The following FAM120A variants were observed in gnomAD, a reference collection of about 807,000 sequenced individuals.
FAM120A encodes family with sequence similarity 120 member A, also known as constitutive coactivator of PPAR-gamma-like protein 1.
FAM120A carries 15 observed loss-of-function variants against 109.7 expected under a neutral mutation model. The observed-to-expected ratio is 0.14, with a 90% CI of 0.09 to 0.21. The LOEUF (loss-of-function observed/expected upper bound fraction) is 0.21, where lower values mean the gene tolerates loss of function less well. Ranked by LOEUF, FAM120A falls within the 10% of genes least tolerant of loss-of-function variation. The pLI, the probability that FAM120A is intolerant of heterozygous loss-of-function variation, is 1.00. For missense variants in FAM120A, 899 were observed against 1,439.3 expected (o/e 0.62, Z 6.07); for synonymous variants, 493 against 572.8 (o/e 0.86, Z 1.99).
chr9:93,475,144 A>G (rs959131759), intron 2 of FAM120A, among the ~76,000 whole-genome samples: 2 of 152,248 alleles, frequency 1.3e-5, no homozygotes, highest in African/African-American at 2.4e-5. Flanking sequence ...GACCCAAGTC[A>G]GCATGAAAGT....
At chr9:93,510,541 C>T (rs1323049718) in intron 5 of FAM120A, among the ~76,000 whole-genome samples, 1 of 152,122 alleles carries the variant, frequency 6.6e-6, no homozygotes, top group East Asian at 1.9e-4. Context: ...TTCCAAAACC[C>T]ACAAATGGAC....
chr9:93,540,415 T>C (rs1026515525), intron 10 of FAM120A, among the ~76,000 whole-genome samples: 6 of 152,258 alleles, frequency 3.9e-5, no homozygotes, highest in Non-Finnish European at 7.3e-5. Context: ...AACTGTTGCA[T>C]GTGGGCAACA....
rs1320606653 is a variant in FAM120A, at chr9:93,564,528, T to C, written c.3345T>C (p.Asn1115=). Residue 1115 remains asparagine, a synonymous_variant, in exon 18 of 18, where the codon AAT becomes AAC. Transcript: ENST00000277165. ...CTGCTCTGGAGGCAGCTGTCTTAAATAAAGAAGAGTAAACTTATTTTTTAT... is the reference window on the plus strand; with the variant it reads ...CTGCTCTGGAGGCAGCTGTCTTAAACAAAGAAGAGTAAACTTATTTTTTAT... ...REAALEAAVL[N]KEE The C allele has an allele frequency of 2.5e-6, 4 of 1,606,058 alleles. No individual in the cohort carries two copies. The highest frequency in any genetic ancestry group is 1.3e-5 in the African/African-American group (1 of 74,550).
intron 2 of FAM120A, among the ~76,000 whole-genome samples, chr9:93,471,678 A>G (rs910081872): frequency 2.6e-5 from 4 of 152,264 alleles, no homozygotes; most frequent in African/African-American, 9.6e-5. Context: ...TCTAAATCAC[A>G]GATGTCAACA....
chr9:93,463,557 A>G (rs1481898820), intron 1 of FAM120A, among the ~76,000 whole-genome samples: 1 of 152,210 alleles, frequency 6.6e-6, no homozygotes, highest in African/African-American at 2.4e-5. Flanking sequence ...GGACTAGAGT[A>G]GGGAACAGAA....
intron 8 of FAM120A, among the ~76,000 whole-genome samples, chr9:93,527,489 A>G (rs1268987764): frequency 6.6e-6 from 1 of 151,804 alleles, no homozygotes; most frequent in Non-Finnish European, 1.5e-5. Context: ...GGTGCTTAGG[A>G]CCTTCCTGAG....
intron 1 of FAM120A, chr9:93,453,680 T>A: frequency 1.0e-6 from 1 of 961,138 alleles, no homozygotes; most frequent in Non-Finnish European, 1.2e-6. Context: ...GATTGGCCCC[T>A]GCGCCTGGCA....
chr9:93,510,107 G>T (rs1012196391), intron 5 of FAM120A, among the ~76,000 whole-genome samples: 2 of 152,138 alleles, frequency 1.3e-5, no homozygotes, highest in Non-Finnish European at 2.9e-5. Context: ...TGAGTAGAAC[G>T]GCCACTCATC....
chr9:93,487,768 G>A (rs1202622658), intron 3 of FAM120A, among the ~76,000 whole-genome samples: 2 of 152,222 alleles, frequency 1.3e-5, no homozygotes, highest in East Asian at 1.9e-4. Context: ...TTGGAGGCAT[G>A]TGTTGTAACT....
intron 1 of FAM120A, among the ~76,000 whole-genome samples, chr9:93,459,205 A>G (rs1857682045): frequency 6.6e-6 from 1 of 152,152 alleles, no homozygotes; most frequent in South Asian, 2.1e-4. Flanking sequence ...AGTCTGTTGT[A>G]TTGCACCTAC....
intron 5 of FAM120A, among the ~76,000 whole-genome samples, chr9:93,505,574 T>C (rs1247769048): frequency 6.6e-6 from 1 of 152,230 alleles, no homozygotes; most frequent in African/African-American, 2.4e-5. Context: ...CTTTAAGTCC[T>C]ATCCTGTATT....
At chr9:93,529,297 A>T (rs1861223172) in intron 8 of FAM120A, 56 bp from the exon 9 acceptor site, 1 of 1,463,650 alleles carries the variant, frequency 6.8e-7, no homozygotes, top group Non-Finnish European at 9.2e-7. Context: ...CATACTTTAA[A>T]TGAATGAAAA....
intron 5 of FAM120A, among the ~76,000 whole-genome samples, chr9:93,507,148 G>A (rs766098230): frequency 6.6e-6 from 1 of 152,192 alleles, no homozygotes; most frequent in Non-Finnish European, 1.5e-5. Flanking sequence ...AGGGAAAGGA[G>A]TGGGAAACTC....
In FAM120A at chr9:93,532,809, C is replaced by T. The variant is rs185924855; in HGVS notation, c.1909+480C>T. 2.6e-5 allele frequency among the ~76,000 whole-genome samples: 4 copies of T among 152,248 alleles called. No individual in the cohort carries two copies. In the East Asian group the frequency reaches 5.8e-4, roughly 22 times the overall value. ...ATGGCTCTGCAGCTGTAGCGAAGGT[C>T]GTGGGACTCACGGATCGTCGCAGGA... On this transcript the variant is annotated intron_variant, in intron 10 of 17. Transcript: ENST00000277165. This position sits in a 1 kb window ranked among gnomAD's most constrained non-coding sequence, Gnocchi z 4.3.
At chr9:93,501,594 C>G (rs1472444891) in intron 5 of FAM120A, among the ~76,000 whole-genome samples, 1 of 152,124 alleles carries the variant, frequency 6.6e-6, no homozygotes, top group Non-Finnish European at 1.5e-5. Flanking sequence ...CCTGATGCTT[C>G]TGGCTGTTGC....
chr9:93,476,479 C>G, intron 3 of FAM120A, 141 bp downstream of exon 3: 1 of 616,126 alleles, frequency 1.6e-6, no homozygotes, highest in Non-Finnish European at 2.9e-6. Context: ...AGGATCTGCA[C>G]TGCCTTAAAA....
At chr9:93,481,197 G>T (rs1383878464) in intron 3 of FAM120A, among the ~76,000 whole-genome samples, 1 of 152,244 alleles carries the variant, frequency 6.6e-6, no homozygotes, top group Non-Finnish European at 1.5e-5. Context: ...GGGCCCCCTG[G>T]CTGTAGACAT....
chr9:93,488,266 C>T (rs1048872848), intron 3 of FAM120A, among the ~76,000 whole-genome samples: 4 of 152,182 alleles, frequency 2.6e-5, no homozygotes, highest in African/African-American at 4.8e-5. Flanking sequence ...ACATCCCCAA[C>T]GCTTAACTTC....
intron 5 of FAM120A, among the ~76,000 whole-genome samples, chr9:93,513,720 G>T (rs535675698): frequency 3.9e-5 from 6 of 152,114 alleles, no homozygotes; most frequent in Non-Finnish European, 5.9e-5. Context: ...TCGTTCTCTG[G>T]GGGGAGTCAA....
Sources: allele counts gnomAD v4.1 joint callset (sites outside exome capture counted in the v4.1 genomes callset), GRCh38; gene constraint gnomAD v4.1.1; non-coding constraint Gnocchi (gnomAD v3.1); transcripts MANE v1.5; gene names NCBI Gene and HGNC (gene_info 2026-07-23, HGNC 2026-07-21).